The following P2RY14 variants were observed in gnomAD, a reference collection of about 807,000 sequenced individuals.
P2RY14 encodes purinergic receptor P2Y14.
Under a neutral mutation model 0.9 loss-of-function variants are expected in P2RY14, and 2 were observed. The observed-to-expected ratio is 2.16, with a 90% confidence interval of 0.88 to 6.79. The LOEUF (loss-of-function observed/expected upper bound fraction) is 6.79. Ranked by LOEUF, P2RY14 falls within the 30% of genes most tolerant of loss-of-function variation. The pLI, the probability that P2RY14 is intolerant of heterozygous loss-of-function variation, is 0.05. For synonymous variants in P2RY14, 158 were observed against 147.2 expected, an observed-to-expected ratio of 1.07 and a Z score of -0.53; for missense variants, 378 against 400.1, an observed-to-expected ratio of 0.94 and a Z score of 0.47.
rs1213706007 is a variant in P2RY14, at chr3:151,219,904, C to T, written c.-132-262G>A. Among the ~76,000 whole-genome samples, 3 of 90,542 alleles carry T rather than the reference C, an allele frequency of 3.3e-5. No homozygotes were observed. The East Asian group carries it at 1.1e-3, about 35-fold the overall frequency. The allele number at this position is 90,542 out of a possible 152,430, so 59.4% of individuals were successfully genotyped here. On this transcript the variant is annotated intron_variant, in intron 1 of 2. Coordinates refer to ENST00000309170, the MANE Select transcript of P2RY14 (RefSeq NM_014879.4). ...TTGGTTTATATTACCCCCCCCCCCCCCTTGGATATGGATGATCGAATCAAT... is the reference window on the plus strand; with the variant it reads ...TTGGTTTATATTACCCCCCCCCCCCTCTTGGATATGGATGATCGAATCAAT...
intron 1 of P2RY14, among the ~76,000 whole-genome samples, chr3:151,271,059 T>C (rs572102258): frequency 4.3e-4 from 65 of 152,288 alleles, no homozygotes; most frequent in African/African-American, 1.5e-3. Flanking sequence ...TCATTTTTTT[T>C]GTAGACACCA....
At chr3:151,267,003 G>A (rs909934809) in intron 1 of P2RY14, among the ~76,000 whole-genome samples, 1 of 152,160 alleles carries the variant, frequency 6.6e-6, no homozygotes, top group Non-Finnish European at 1.5e-5. Flanking sequence ...TTTATACATA[G>A]TGTTGACAAA....
At chr3:151,272,638 G>C (rs1200038626) in intron 1 of P2RY14, among the ~76,000 whole-genome samples, 1 of 152,204 alleles carries the variant, frequency 6.6e-6, no homozygotes. Flanking sequence ...AAAATATTGA[G>C]TACACAACCA....
intron 1 of P2RY14, among the ~76,000 whole-genome samples, chr3:151,262,990 T>C (rs954506283): frequency 1.8e-4 from 27 of 152,268 alleles, no homozygotes; most frequent in Admixed American, 9.8e-4. Flanking sequence ...CATCTTAACA[T>C]GTACCCTCTG....
At chr3:151,265,372 A>G (rs1739637466) in intron 1 of P2RY14, among the ~76,000 whole-genome samples, 2 of 152,186 alleles carry the variant, frequency 1.3e-5, no homozygotes, top group South Asian at 4.1e-4. Flanking sequence ...AATTTCTGAG[A>G]ATTTTTTAAA....
Position 151,213,184 on chromosome 3 carries a change from G to A in P2RY14, c.*116C>T. ...TATTTGAATTTTATTGAACTAAATT[G>A]GATGGCAGTGCTAGAGATGATATTT... On this transcript the variant is annotated 3_prime_UTR_variant, in exon 3 of 3. Coordinates refer to ENST00000309170, the MANE Select transcript of P2RY14 (RefSeq NM_014879.4). 1 of 758,704 alleles carries A rather than the reference G, an allele frequency of 1.3e-6. No homozygotes were observed. The allele number at this position is 758,704 out of a possible 1,614,324, so 47.0% of individuals were successfully genotyped here.
At position 151,250,481 on chromosome 3, in the gene P2RY14, G is replaced by A. The variant is rs114617775; in HGVS notation, c.-133+27806C>T. Among the ~76,000 whole-genome samples the A allele has an allele frequency of 4.0e-3, 603 of 152,124 alleles. 1 individual carries two copies. Among genetic ancestry groups the A allele is most frequent in the African/African-American group, 0.013 (550 of 41,518 alleles). ...CCTGGTAACTACTGTTCTTCTCTAC[G>A]AAGTTGAATACTCTAGCTATCTCAT... is the stretch of plus-strand genomic sequence containing the variant. On this transcript the variant is annotated intron_variant, in intron 1 of 2. Transcript: ENST00000309170.
chr3:151,241,184 G>A (rs1449305363), intron 1 of P2RY14, among the ~76,000 whole-genome samples: 2 of 152,120 alleles, frequency 1.3e-5, no homozygotes, highest in African/African-American at 4.8e-5. Flanking sequence ...TGGCATCTGG[G>A]ATTGCCTTTT....
chr3:151,220,464 G>A (rs550550414), intron 1 of P2RY14, among the ~76,000 whole-genome samples: 3 of 152,234 alleles, frequency 2.0e-5, no homozygotes, highest in African/African-American at 4.8e-5. Context: ...AGTTTGGCAC[G>A]TGATATGGTT....
intron 1 of P2RY14, among the ~76,000 whole-genome samples, chr3:151,241,605 GTT>G (rs1734092149): frequency 1.3e-5 from 2 of 151,862 alleles, no homozygotes; most frequent in Non-Finnish European, 1.5e-5. Context: ...TTCACAGTGG[GTT>G]ATATATATGT....
At chr3:151,249,473 G>A (rs923165971) in intron 1 of P2RY14, among the ~76,000 whole-genome samples, 5 of 152,216 alleles carry the variant, frequency 3.3e-5, no homozygotes, top group East Asian at 1.9e-4. Flanking sequence ...TTAACTTGGG[G>A]GTCTTGATTG....
intron 1 of P2RY14, among the ~76,000 whole-genome samples, chr3:151,254,571 T>C (rs1737473637): frequency 6.6e-6 from 1 of 152,152 alleles, no homozygotes; most frequent in Admixed American, 6.5e-5. Context: ...CCAAACCTTA[T>C]TTAATCTAGT....
At chr3:151,226,310 G>A (rs957476630) in intron 1 of P2RY14, among the ~76,000 whole-genome samples, 2 of 152,354 alleles carry the variant, frequency 1.3e-5, no homozygotes, top group South Asian at 2.1e-4. Context: ...AGACTGACAC[G>A]AGAGGCTGTC....
At chr3:151,260,561 G>C (rs1738671925) in intron 1 of P2RY14, among the ~76,000 whole-genome samples, 1 of 152,010 alleles carries the variant, frequency 6.6e-6, no homozygotes, top group African/African-American at 2.4e-5. Context: ...ATGTTGCCGT[G>C]GTCGGTCTCG....
chr3:151,248,660 A>G (rs140613241), intron 1 of P2RY14, among the ~76,000 whole-genome samples: 41 of 152,296 alleles, frequency 2.7e-4, no homozygotes, highest in Non-Finnish European at 5.0e-4. Flanking sequence ...ATGCCTTATC[A>G]AATTAAAAAA....
intron 1 of P2RY14, among the ~76,000 whole-genome samples, chr3:151,268,059 GCT>G (rs1163004682): frequency 6.6e-6 from 1 of 152,158 alleles, no homozygotes; most frequent in East Asian, 1.9e-4. Context: ...AGCTGGAAAT[GCT>G]CTGTTTTAAT....
rs1363847092 is a variant in P2RY14 at position 151,212,777 on chromosome 3, G to A, written c.*523C>T. 1 of 151,880 alleles carries A rather than the reference G, an allele frequency of 6.6e-6. No homozygotes were observed. The highest frequency in any genetic ancestry group is 1.5e-5 in the Non-Finnish European group (1 of 67,988). 9.4% of individuals were successfully genotyped at this position (151,880 alleles called of 1,614,324 possible). ...GGGTTTCTTAAGTGATTGTCTGGGTGTCAGCTTTTCCTGCTTCTTCAAATC... is the reference window on the plus strand; with the variant it reads ...GGGTTTCTTAAGTGATTGTCTGGGTATCAGCTTTTCCTGCTTCTTCAAATC... On this transcript the variant is annotated 3_prime_UTR_variant, in exon 3 of 3. Coordinates refer to ENST00000309170, the MANE Select transcript of P2RY14 (RefSeq NM_014879.4).
intron 1 of P2RY14, among the ~76,000 whole-genome samples, chr3:151,269,161 G>A (rs1740389440): frequency 6.6e-6 from 1 of 152,168 alleles, no homozygotes; most frequent in South Asian, 2.1e-4. Context: ...TATACTCTGG[G>A]AGGCCAAGGT....
chr3:151,231,886 A>G (rs1381160829), intron 1 of P2RY14, among the ~76,000 whole-genome samples: 2 of 152,222 alleles, frequency 1.3e-5, no homozygotes, highest in African/African-American at 4.8e-5. Context: ...ACTTATTTTG[A>G]AAGTACTTCA....
Sources: gnomAD v4.1 joint callset for allele counts (sites outside exome capture counted in the v4.1 genomes callset) on GRCh38, gnomAD v4.1.1 for gene constraint, MANE v1.5 for transcripts, NCBI Gene and HGNC (gene_info 2026-07-23, HGNC 2026-07-21) for gene names.